Variants in SCIN observed in about 807,000 individuals in gnomAD.
The protein encoded by SCIN is adseverin.
SCIN carries 91 observed loss-of-function variants against 91.8 expected under a neutral mutation model. The ratio of observed to expected loss-of-function variants is 0.99; its 90% CI spans 0.84 to 1.18. The LOEUF is 1.18. Among genes scored for constraint, SCIN ranks in the 50% most tolerant of loss-of-function variants. The pLI is 0.00. For missense variants in SCIN, 1,087 were observed against 863.9 expected, an observed-to-expected ratio of 1.26 and a Z score of -3.24; for synonymous variants, 367 against 312.6, an observed-to-expected ratio of 1.17 and a Z score of -1.84.
chr7:12,598,053 C>T (rs1710707495), intron 3 of SCIN, among the ~76,000 whole-genome samples: 1 of 152,092 alleles, frequency 6.6e-6, no homozygotes, highest in African/African-American at 2.4e-5. Context: ...GAAATAGTTG[C>T]CCCTGAAACT....
chr7:12,575,612 A>G (rs1226674390), intron 1 of SCIN, among the ~76,000 whole-genome samples: 2 of 152,126 alleles, frequency 1.3e-5, no homozygotes, highest in Non-Finnish European at 2.9e-5. Context: ...TAAAATCATT[A>G]CATCCACAAA....
chr7:12,587,651 C>G (rs1294693660), intron 3 of SCIN, among the ~76,000 whole-genome samples: 1 of 152,294 alleles, frequency 6.6e-6, no homozygotes, highest in South Asian at 2.1e-4. Context: ...CTCATCGTAC[C>G]AGTGCCCCTT....
intron 4 of SCIN, among the ~76,000 whole-genome samples, chr7:12,616,705 C>T (rs181503012): frequency 6.6e-6 from 1 of 152,116 alleles, no homozygotes; most frequent in African/African-American, 2.4e-5. Context: ...TATCTTGCCT[C>T]ACCAAAATAA....
chr7:12,640,404 C>G lies in SCIN; in HGVS notation c.1468C>G (p.Pro490Ala). The G allele has an allele frequency of 1.9e-6, 3 of 1,613,298 alleles. No homozygotes were observed. The highest frequency in any genetic ancestry group is 1.7e-6 in the Non-Finnish European group (2 of 1,179,580). Residue 490 changes from proline to alanine, a missense_variant, in exon 11 of 16, where the codon CCG becomes GCG. By Grantham distance (27) the Pro-to-Ala change is conservative. Transcript: ENST00000297029. The stretch of plus-strand genomic sequence containing the variant: ...CCTACTGAGTTTGTTCAAAGACAAA[C>G]CGCTCATTATTTACAAGAATGGAAC... ...VHLLSLFKDK[P>A]LIIYKNGTSK... is the part of the protein sequence containing the mutation.
intron 3 of SCIN, among the ~76,000 whole-genome samples, chr7:12,602,709 A>G (rs567681414): frequency 6.6e-6 from 1 of 152,294 alleles, no homozygotes; most frequent in East Asian, 1.9e-4. Flanking sequence ...AGGAAGAAAA[A>G]TATGGTTCTT....
intron 2 of SCIN, among the ~76,000 whole-genome samples, chr7:12,578,909 G>GTTTTTTTTTTTTTTTT: frequency 0.031 from 2,620 of 85,324 alleles, 453 homozygotes; most frequent in African/African-American, 0.087. Flanking sequence ...TATAGGACAG[G>GTTTTTTTTTTTTTTTT]TTTTTTTTTT....
Position 12,653,539 on chromosome 7 carries a change from A to G in SCIN, c.*824A>G, listed in dbSNP as rs1242617437. ...TATGACTTTGATGTCATTAACTGCTAAGTGTTATTTTCTAAGAGGAATTTT... is the reference window on the plus strand; with the variant it reads ...TATGACTTTGATGTCATTAACTGCTGAGTGTTATTTTCTAAGAGGAATTTT... On this transcript the variant is annotated 3_prime_UTR_variant, in exon 16 of 16. Coordinates refer to ENST00000297029, the MANE Select transcript of SCIN (RefSeq NM_001112706.3). The surrounding 1 kb of genome is among the most constrained non-coding windows in gnomAD (Gnocchi z 4.1). 4 of 152,202 alleles carry G rather than the reference A, an allele frequency of 2.6e-5. No individual in the cohort carries two copies. The highest frequency in any genetic ancestry group is 7.2e-5 in the African/African-American group (3 of 41,452). The allele number at this position is 152,202 out of a possible 1,614,324, so 9.4% of individuals were successfully genotyped here.
intron 3 of SCIN, chr7:12,596,271 G>A: frequency 2.3e-6 from 1 of 431,282 alleles, no homozygotes; most frequent in Non-Finnish European, 4.7e-6. Context: ...TTTTTCCAGT[G>A]GCGTGTCCCC....
At chr7:12,616,476 T>A (rs553765318) in intron 4 of SCIN, among the ~76,000 whole-genome samples, 27 of 152,272 alleles carry the variant, frequency 1.8e-4, no homozygotes, top group African/African-American at 6.3e-4. Flanking sequence ...TACCTTGATA[T>A]TGGACTTCAT....
chr7:12,625,929 G>A (rs1254605017), intron 7 of SCIN, 79 bp downstream of exon 7: 2 of 1,051,306 alleles, frequency 1.9e-6, no homozygotes, highest in East Asian at 2.6e-5. Context: ...TCATGAAAAA[G>A]TTTGGGTCAA....
At chr7:12,617,139 G>C (rs542429436) in intron 4 of SCIN, among the ~76,000 whole-genome samples, 114 of 152,196 alleles carry the variant, frequency 7.5e-4, no homozygotes, top group African/African-American at 2.6e-3. Context: ...GTAATTTGCA[G>C]GGTTGTATAA....
Position 12,651,715 on chromosome 7 carries a change from G to T in SCIN, c.1960-126G>T. On this transcript the variant is annotated intron_variant, in intron 14 of 15. Transcript: ENST00000297029. This position sits in a 1 kb window ranked among gnomAD's most constrained non-coding sequence, Gnocchi z 5.9. ...TACCTCTCTGGGCCACCACCTCCAC[G>T]TCCCTAACTTCTGCGGATATTGTGA... The T allele has an allele frequency of 1.6e-6, 1 of 618,464 alleles. No homozygotes were observed. The highest frequency in any genetic ancestry group is 2.9e-6 in the Non-Finnish European group (1 of 350,806). The allele number at this position is 618,464 out of a possible 1,614,324, so 38.3% of individuals were successfully genotyped here.
In SCIN at chr7:12,657,211, ATTTTTTTTTT is replaced by A. The variant is rs57131728; in HGVS notation, c.*4512_*4521del. ...TGTGTGTACTAAAGGATATAATATG[ATTTTTTTTTT>A]TTTTTTTTTTTTTTTGAGATAGGTT... On this transcript the variant is annotated 3_prime_UTR_variant, in exon 16 of 16. Transcript: ENST00000297029. 1.2e-5 allele frequency: 1 copy of A among 82,544 alleles called. No homozygotes were observed. The highest frequency in any genetic ancestry group is 4.5e-5 in the African/African-American group (1 of 22,060). 5.1% of individuals were successfully genotyped at this position (82,544 alleles called of 1,614,324 possible).
chr7:12,625,150 A>C lies in SCIN; in HGVS notation c.892+8A>C, dbSNP rs755675023. 1.2e-6 allele frequency: 2 copies of C among 1,606,256 alleles called. No homozygotes were observed. The highest frequency in any genetic ancestry group is 1.7e-6 in the Non-Finnish European group (2 of 1,176,472). Reference sequence around the variant, plus strand: ...AAATTTTCGTATGGAAAGGTAAAAAATTCCATTGACGATGCTGTATTTCAG... The same window carrying C: ...AAATTTTCGTATGGAAAGGTAAAAACTTCCATTGACGATGCTGTATTTCAG... On this transcript the variant is annotated splice_region_variant and intron_variant, in intron 6 of 15. Coordinates refer to ENST00000297029, the MANE Select transcript of SCIN (RefSeq NM_001112706.3).
chr7:12,647,778 A>G (rs1783995170), intron 13 of SCIN, among the ~76,000 whole-genome samples: 1 of 152,212 alleles, frequency 6.6e-6, no homozygotes, highest in Non-Finnish European at 1.5e-5. Context: ...TCAAAATCTC[A>G]TCAGATTAGA....
chr7:12,599,993 T>C lies in SCIN; in HGVS notation c.517-4521T>C, dbSNP rs149667722. 7.4e-3 allele frequency among the ~76,000 whole-genome samples: 1,127 copies of C among 152,316 alleles called. 19 individuals carry two copies. Among genetic ancestry groups the C allele is most frequent in the African/African-American group, 0.025 (1,046 of 41,572 alleles). On this transcript the variant is annotated intron_variant, in intron 3 of 15. Transcript: ENST00000297029. Reference sequence around the variant, plus strand: ...GTTAACTCTTGATTCTTTCTTTTGCTGTGAAGAAGCTTTTTAGTTTAGTTA... The same window carrying C: ...GTTAACTCTTGATTCTTTCTTTTGCCGTGAAGAAGCTTTTTAGTTTAGTTA...
intron 3 of SCIN, among the ~76,000 whole-genome samples, chr7:12,593,126 C>T (rs562253275): frequency 7.2e-5 from 11 of 152,304 alleles, no homozygotes; most frequent in South Asian, 2.1e-4. Flanking sequence ...AAGGGCTCTT[C>T]GGCACTCATG....
chr7:12,596,520 A>G (rs1782845298), intron 3 of SCIN: 2 of 450,422 alleles, frequency 4.4e-6, no homozygotes, highest in African/African-American at 4.0e-5. Context: ...CCATCAACTG[A>G]CATTCCTAGT....
chr7:12,630,032 A>T (rs1413479791), intron 9 of SCIN, among the ~76,000 whole-genome samples: 1 of 152,144 alleles, frequency 6.6e-6, no homozygotes, highest in East Asian at 1.9e-4. Flanking sequence ...GGCAGGGCAG[A>T]CGCCTACCTT....
Sources: gnomAD v4.1 joint callset for allele counts (sites outside exome capture counted in the v4.1 genomes callset) on GRCh38, gnomAD v4.1.1 for gene constraint, Gnocchi (gnomAD v3.1) non-coding constraint, MANE v1.5 for transcripts, NCBI Gene and HGNC (gene_info 2026-07-23, HGNC 2026-07-21) for gene names.